HNF4G: variants seen among roughly 807,000 people sequenced by gnomAD.
HNF4G encodes hepatocyte nuclear factor 4-gamma.
In HNF4G, 21 loss-of-function variants were observed where a neutral mutation model predicts 50.9. The observed-to-expected ratio is 0.41, with a 90% CI of 0.29 to 0.59. The LOEUF is 0.59. Among genes scored for constraint, HNF4G ranks in the 20% least tolerant of loss-of-function variants. The pLI is 0.26. For missense variants in HNF4G, 527 were observed against 559.4 expected (o/e 0.94, Z 0.58); for synonymous variants, 198 against 185.6 (o/e 1.07, Z -0.54).
chr8:75,426,683 T>A (rs1337117641), intron 1 of HNF4G, among the ~76,000 whole-genome samples: 1 of 151,128 alleles, frequency 6.6e-6, no homozygotes, highest in East Asian at 1.9e-4. Flanking sequence ...AAAAGGTTGT[T>A]TAGTGAAAAG....
intron 2 of HNF4G, among the ~76,000 whole-genome samples, chr8:75,498,083 G>T (rs1379872768): frequency 6.6e-6 from 1 of 151,926 alleles, no homozygotes; most frequent in Non-Finnish European, 1.5e-5. Context: ...TATGCTTAAT[G>T]CAAGAGATAC....
intron 6 of HNF4G, among the ~76,000 whole-genome samples, chr8:75,558,208 C>A (rs2130812785): frequency 6.6e-6 from 1 of 152,256 alleles, no homozygotes; most frequent in South Asian, 2.1e-4. Context: ...ATGTCTGACA[C>A]AGAGAAAAAC....
At chr8:75,509,370 A>C (rs1805687876) in intron 2 of HNF4G, among the ~76,000 whole-genome samples, 3 of 152,222 alleles carry the variant, frequency 2.0e-5, no homozygotes. Flanking sequence ...AAGAGACCAC[A>C]TGCCAAGAGG....
chr8:75,408,358 G>A (rs1195058450), intron 1 of HNF4G, among the ~76,000 whole-genome samples: 6 of 152,086 alleles, frequency 3.9e-5, no homozygotes. Context: ...GGGGTCTTCC[G>A]TGTAAGTACT....
At chr8:75,464,152 A>T (rs1011973253) in intron 1 of HNF4G, among the ~76,000 whole-genome samples, 1 of 152,152 alleles carries the variant, frequency 6.6e-6, no homozygotes, top group East Asian at 1.9e-4. Context: ...CACATAGTGT[A>T]CTATGTTCTT....
intron 2 of HNF4G, among the ~76,000 whole-genome samples, chr8:75,524,091 C>T (rs1185789262): frequency 1.3e-5 from 2 of 152,018 alleles, no homozygotes; most frequent in East Asian, 3.9e-4. Context: ...TACAACTATA[C>T]ACGCCTATGT....
chr8:75,531,391 C>T (rs1052905268), intron 2 of HNF4G, among the ~76,000 whole-genome samples: 1 of 151,888 alleles, frequency 6.6e-6, no homozygotes, highest in Non-Finnish European at 1.5e-5. Flanking sequence ...CATTTCAATA[C>T]AAGAGGTTAG....
intron 1 of HNF4G, among the ~76,000 whole-genome samples, chr8:75,427,037 T>C (rs1398712041): frequency 6.6e-6 from 1 of 152,214 alleles, no homozygotes; most frequent in Non-Finnish European, 1.5e-5. Context: ...AAAAAAGTTT[T>C]AGTTAATGTT....
At chr8:75,555,405 G>C (rs1807086036) in intron 5 of HNF4G, among the ~76,000 whole-genome samples, 1 of 152,190 alleles carries the variant, frequency 6.6e-6, no homozygotes, top group Non-Finnish European at 1.5e-5. Flanking sequence ...ATGAAGCTCA[G>C]TTGAGAGCTT....
At chr8:75,456,737 T>A (rs1209191893) in intron 1 of HNF4G, among the ~76,000 whole-genome samples, 2 of 151,674 alleles carry the variant, frequency 1.3e-5, no homozygotes, top group African/African-American at 4.8e-5. Context: ...TTTTAATTAA[T>A]TAATTTTTAT....
At chr8:75,408,246 G>A (rs1478162399) in intron 1 of HNF4G, 1 of 151,500 alleles carries the variant, frequency 6.6e-6, no homozygotes, top group East Asian at 1.9e-4. Flanking sequence ...GAGAAGGAGA[G>A]AGAGAGAGAG....
At chr8:75,413,207 GGTTGA>G (rs1014296054) in intron 1 of HNF4G, among the ~76,000 whole-genome samples, 11 of 151,404 alleles carry the variant, frequency 7.3e-5, no homozygotes, top group Admixed American at 4.0e-4. Context: ...TCTTTAAGCA[GGTTGA>G]GTTAAGATTT....
intron 2 of HNF4G, among the ~76,000 whole-genome samples, chr8:75,527,939 G>C (rs1239961744): frequency 6.6e-6 from 1 of 152,166 alleles, no homozygotes; most frequent in Non-Finnish European, 1.5e-5. Flanking sequence ...GAATTTAGTA[G>C]TTCAGAGAAA....
chr8:75,465,089 T>C (rs1317027212), intron 1 of HNF4G, among the ~76,000 whole-genome samples: 1 of 152,156 alleles, frequency 6.6e-6, no homozygotes, highest in Admixed American at 6.5e-5. Flanking sequence ...ACTCTTGTTT[T>C]TGGTTGACTT....
chr8:75,425,062 C>CTATTTATTTGTT (rs1810860020), intron 1 of HNF4G, among the ~76,000 whole-genome samples: 2 of 142,640 alleles, frequency 1.4e-5, no homozygotes, highest in East Asian at 4.2e-4. Flanking sequence ...TCAATGCAGC[C>CTATTTATTTGTT]TATTTATTTA....
intron 2 of HNF4G, among the ~76,000 whole-genome samples, chr8:75,511,623 G>T (rs539860080): frequency 2.0e-5 from 3 of 152,262 alleles, no homozygotes; most frequent in Admixed American, 6.5e-5. Context: ...ACGAAGTCTC[G>T]CTCTGTCGCC....
At chr8:75,543,596 A>T (rs1162803620) in intron 1 of HNF4G, among the ~76,000 whole-genome samples, 1 of 152,074 alleles carries the variant, frequency 6.6e-6, no homozygotes, top group East Asian at 1.9e-4. Flanking sequence ...ATAGTTGGAG[A>T]ACTAAGCCCT....
At position 75,456,170 on chromosome 8, in the gene HNF4G, G is replaced by C. The variant is rs1039238007; in HGVS notation, c.-143-33919G>C. On this transcript the variant is annotated intron_variant, in intron 1 of 10. Transcript: ENST00000354370. ...AGTAAGGCTCATTTTCTACATATTT[G>C]AGATCTTATTCTCTGTATAAGATCT... is the stretch of plus-strand genomic sequence containing the variant. Among the ~76,000 whole-genome samples the C allele has an allele frequency of 4.6e-5, 7 of 151,934 alleles. No homozygotes were observed. The East Asian group carries it at 1.4e-3, about 29-fold the overall frequency.
intron 1 of HNF4G, among the ~76,000 whole-genome samples, chr8:75,460,308 A>C (rs924315886): frequency 1.3e-5 from 2 of 152,166 alleles, no homozygotes; most frequent in Non-Finnish European, 2.9e-5. Flanking sequence ...CTAAATACTT[A>C]GTGCTTTTAA....
Sources: allele counts gnomAD v4.1 joint callset (sites outside exome capture counted in the v4.1 genomes callset), GRCh38; gene constraint gnomAD v4.1.1; transcripts MANE v1.5; gene names NCBI Gene and HGNC (gene_info 2026-07-23, HGNC 2026-07-21).